SPPL3: variants seen among roughly 807,000 people sequenced by gnomAD.
The protein encoded by SPPL3 is signal peptide peptidase-like 3.
A neutral mutation model predicts 42.4 loss-of-function variants in SPPL3; 5 were observed. The observed-to-expected ratio is 0.12, with a 90% CI of 0.06 to 0.25. The LOEUF (loss-of-function observed/expected upper bound fraction) is 0.25, where lower values mean the gene tolerates loss of function less well. SPPL3 is among the 10% of genes least tolerant of loss of function. The probability of loss-of-function intolerance (pLI) is 1.00; values close to 1 mark genes in which losing one functional copy is unlikely to be tolerated. For synonymous variants in SPPL3, 195 were observed against 181.8 expected, an observed-to-expected ratio of 1.07 and a Z score of -0.58; for missense variants, 235 against 489.0, an observed-to-expected ratio of 0.48 and a Z score of 4.90.
chr12:120,796,494 T>C (rs995367768), intron 2 of SPPL3, among the ~76,000 whole-genome samples: 6 of 152,244 alleles, frequency 3.9e-5, no homozygotes, highest in Non-Finnish European at 8.8e-5. Flanking sequence ...TGGGTCAGTT[T>C]TGATTGACTG....
At chr12:120,796,752 T>C (rs1292510219) in intron 2 of SPPL3, among the ~76,000 whole-genome samples, 1 of 152,196 alleles carries the variant, frequency 6.6e-6, no homozygotes, top group East Asian at 1.9e-4. Flanking sequence ...GAGTACTCTA[T>C]CCAATGCCAA....
intron 1 of SPPL3, among the ~76,000 whole-genome samples, chr12:120,821,460 C>G (rs1871068868): frequency 1.3e-5 from 2 of 152,102 alleles, no homozygotes; most frequent in African/African-American, 4.8e-5. Flanking sequence ...CTGGTTTCCT[C>G]GGACAAAGCC....
At chr12:120,767,845 A>G (rs560808820) in intron 8 of SPPL3, among the ~76,000 whole-genome samples, 11 of 152,320 alleles carry the variant, frequency 7.2e-5, no homozygotes, top group South Asian at 6.2e-4. Context: ...AGTGATTTGC[A>G]TAAGTGCTGC....
intron 1 of SPPL3, among the ~76,000 whole-genome samples, chr12:120,874,298 T>C (rs1593006017): frequency 1.3e-5 from 2 of 150,758 alleles, no homozygotes; most frequent in Non-Finnish European, 3.0e-5. Context: ...ACTAAAAATA[T>C]AAAAATTAGC....
chr12:120,862,977 C>G (rs1872653515), intron 1 of SPPL3, among the ~76,000 whole-genome samples: 1 of 152,186 alleles, frequency 6.6e-6, no homozygotes. Context: ...CCTCTCTCCT[C>G]TATCACGAAA....
chr12:120,849,544 T>A (rs1480855601), intron 1 of SPPL3, among the ~76,000 whole-genome samples: 1 of 152,160 alleles, frequency 6.6e-6, no homozygotes, highest in Non-Finnish European at 1.5e-5. Flanking sequence ...TCCTTTGAAT[T>A]TTACTTAGAA....
intron 3 of SPPL3, among the ~76,000 whole-genome samples, chr12:120,785,658 G>T (rs1268117852): frequency 6.6e-6 from 1 of 151,792 alleles, no homozygotes; most frequent in East Asian, 1.9e-4. Flanking sequence ...ATCTTCATAT[G>T]ATCTATAATA....
intron 1 of SPPL3, among the ~76,000 whole-genome samples, chr12:120,817,345 G>C (rs1209869890): frequency 1.3e-5 from 2 of 152,148 alleles, no homozygotes; most frequent in East Asian, 3.8e-4. Flanking sequence ...TTCAAAAACA[G>C]AAATATTACC....
intron 1 of SPPL3, among the ~76,000 whole-genome samples, chr12:120,844,197 A>G (rs1456557264): frequency 6.6e-6 from 1 of 152,102 alleles, no homozygotes; most frequent in Non-Finnish European, 1.5e-5. Context: ...TGTTTCTGTA[A>G]AGGCACCATC....
intron 2 of SPPL3, among the ~76,000 whole-genome samples, chr12:120,806,508 AATC>A (rs142946219): frequency 0.025 from 3,863 of 152,228 alleles, 75 homozygotes; most frequent in Middle Eastern, 0.051. Context: ...ACTCAAAATG[AATC>A]ATAATTTTAA....
chr12:120,820,304 A>G (rs1050007906), intron 1 of SPPL3, among the ~76,000 whole-genome samples: 4 of 141,582 alleles, frequency 2.8e-5, no homozygotes. Flanking sequence ...ATCTTTCTCT[A>G]AATTTTTTTT....
chr12:120,830,164 T>C (rs1302249089), intron 1 of SPPL3, among the ~76,000 whole-genome samples: 1 of 144,870 alleles, frequency 6.9e-6, no homozygotes, highest in Non-Finnish European at 1.5e-5. Flanking sequence ...ATTTGGAAGA[T>C]GTATCTACAG....
intron 1 of SPPL3, among the ~76,000 whole-genome samples, chr12:120,866,268 T>A (rs1015523896): frequency 6.6e-6 from 1 of 152,162 alleles, no homozygotes; most frequent in Non-Finnish European, 1.5e-5. Flanking sequence ...GCCAAAAACG[T>A]TGGAGGCCTG....
intron 1 of SPPL3, among the ~76,000 whole-genome samples, chr12:120,817,732 C>G (rs927137769): frequency 6.6e-6 from 1 of 152,136 alleles, no homozygotes; most frequent in African/African-American, 2.4e-5. Flanking sequence ...TCACTTTTCA[C>G]CTACTCTACA....
chr12:120,768,825 G>T, intron 7 of SPPL3, 128 bp downstream of exon 7: 1 of 772,162 alleles, frequency 1.3e-6, no homozygotes, highest in Non-Finnish European at 2.1e-6. Context: ...TACAGTTAAG[G>T]ACTGGAGAGA....
chr12:120,866,474 A>G (rs188501318), intron 1 of SPPL3, among the ~76,000 whole-genome samples: 69 of 152,370 alleles, frequency 4.5e-4, no homozygotes, highest in Non-Finnish European at 8.1e-4. Flanking sequence ...AGTCAACATC[A>G]AAAGTCATTT....
intron 2 of SPPL3, among the ~76,000 whole-genome samples, chr12:120,808,202 C>T (rs769037881): frequency 6.6e-6 from 1 of 151,368 alleles, no homozygotes; most frequent in Non-Finnish European, 1.5e-5. Context: ...TGGGCTCAAA[C>T]ATTCCTCCCA....
intron 6 of SPPL3, among the ~76,000 whole-genome samples, chr12:120,775,450 T>C (rs1016446439): frequency 3.3e-5 from 5 of 152,100 alleles, no homozygotes; most frequent in Non-Finnish European, 5.9e-5. Flanking sequence ...CCGTGCCCGG[T>C]TGAGTGTAGC....
intron 1 of SPPL3, among the ~76,000 whole-genome samples, chr12:120,879,593 A>C (rs1304052807): frequency 6.6e-6 from 1 of 152,072 alleles, no homozygotes; most frequent in Non-Finnish European, 1.5e-5. Flanking sequence ...TTCAGACCAA[A>C]TTTCCAAGAG....
Sources: allele counts gnomAD v4.1 joint callset (sites outside exome capture counted in the v4.1 genomes callset), GRCh38; gene constraint gnomAD v4.1.1; transcripts MANE v1.5; gene names NCBI Gene and HGNC (gene_info 2026-07-23, HGNC 2026-07-21).